ZNF331: variants seen among roughly 807,000 people sequenced by gnomAD.
The protein encoded by ZNF331 is C2H2-like zinc finger protein rearranged in thyroid adenomas.
A neutral mutation model predicts 7.0 loss-of-function variants in ZNF331; 2 were observed. The observed-to-expected ratio is 0.29, with a 90% confidence interval of 0.12 to 0.90. The LOEUF is 0.90. Ranked by LOEUF, ZNF331 falls within the 40% of genes least tolerant of loss-of-function variation. The pLI is 0.58. For missense variants in ZNF331, 432 were observed against 587.7 expected, an observed-to-expected ratio of 0.74 and a Z score of 2.74; for synonymous variants, 196 against 205.4, an observed-to-expected ratio of 0.95 and a Z score of 0.39.
At chr19:53,556,832 G>A (rs774684727) in intron 3 of ZNF331, among the ~76,000 whole-genome samples, 13 of 151,810 alleles carry the variant, frequency 8.6e-5, no homozygotes, top group Non-Finnish European at 1.3e-4. Flanking sequence ...TTGAGACGGG[G>A]TCTCGCTTTG....
chr19:53,523,928 G>A lies in ZNF331; in HGVS notation c.-205+1244G>A, dbSNP rs570282139. 4.6e-5 allele frequency among the ~76,000 whole-genome samples: 7 copies of A among 152,054 alleles called. No homozygotes were observed. In the South Asian group the frequency reaches 6.3e-4, roughly 14 times the overall value. On this transcript the variant is annotated intron_variant, in intron 2 of 6. Transcript: ENST00000253144. ...ATCCCTCCCCCAGCCCCCCAACTCCGACGGGCCCTGGTGTGTGATATTCAC... is the reference window on the plus strand; with the variant it reads ...ATCCCTCCCCCAGCCCCCCAACTCCAACGGGCCCTGGTGTGTGATATTCAC...
intron 3 of ZNF331, among the ~76,000 whole-genome samples, chr19:53,557,922 C>T (rs990819406): frequency 5.9e-5 from 9 of 152,158 alleles, no homozygotes; most frequent in South Asian, 2.1e-4. Context: ...GCTGAGATCA[C>T]GCCACCACAC....
chr19:53,552,453 C>T (rs2089070482), intron 2 of ZNF331, among the ~76,000 whole-genome samples: 2 of 151,878 alleles, frequency 1.3e-5, no homozygotes, highest in Admixed American at 6.6e-5. Flanking sequence ...GTGCAGTGGC[C>T]CTTGCTTGTA....
chr19:53,508,705 C>T, the ZNF331 span, among the ~76,000 whole-genome samples: 300 of 152,278 alleles, frequency 2.0e-3, 1 homozygote, highest in Middle Eastern at 3.4e-3. Context: ...CATTCTTTCT[C>T]TGAACAGGCC....
At chr19:53,551,959 A>T (rs905372357) in intron 2 of ZNF331, among the ~76,000 whole-genome samples, 3 of 152,144 alleles carry the variant, frequency 2.0e-5, no homozygotes, top group African/African-American at 7.2e-5. Context: ...ATTTTCTATG[A>T]TTTTAATGGT....
chr19:53,507,394 C>T, the ZNF331 span, among the ~76,000 whole-genome samples: 1 of 152,158 alleles, frequency 6.6e-6, no homozygotes. Context: ...CTCTACAAAA[C>T]CCCCCGAAAG....
intron 2 of ZNF331, among the ~76,000 whole-genome samples, chr19:53,542,879 G>A (rs978004649): frequency 5.3e-5 from 8 of 152,148 alleles, no homozygotes; most frequent in African/African-American, 9.7e-5. Flanking sequence ...GCGCAATCGC[G>A]GCTCACCGCA....
At chr19:53,554,896 C>T (rs2089277823) in intron 2 of ZNF331, 1 of 153,214 alleles carries the variant, frequency 6.5e-6, no homozygotes, top group Non-Finnish European at 1.5e-5. Flanking sequence ...GAGGTGCGCT[C>T]TGGGGGATAT....
chr19:53,558,882 A>G lies in ZNF331; in HGVS notation c.-74+2974A>G, dbSNP rs542322384. 1.7e-5 allele frequency among the ~76,000 whole-genome samples: 2 copies of G among 114,492 alleles called. No homozygotes were observed. Among genetic ancestry groups the G allele is most frequent in the Admixed American group, 1.5e-4 (2 of 12,970 alleles). 75.1% of individuals were successfully genotyped at this position (114,492 alleles called of 152,430 possible). A position where few individuals can be genotyped will look rare whatever the true frequency, so the allele number is the denominator to read the frequency against. Reference sequence around the variant, plus strand: ...ACATATACACACACATACCCCATATATACACACATATACACACCTATACAC... The same window carrying G: ...ACATATACACACACATACCCCATATGTACACACATATACACACCTATACAC... On this transcript the variant is annotated intron_variant, in intron 3 of 5. Coordinates refer to ENST00000449416, the MANE Select transcript of ZNF331 (RefSeq NM_001079906.2). This position sits in a 1 kb window ranked among gnomAD's most constrained non-coding sequence, Gnocchi z 4.5.
chr19:53,567,840 TAA>T (rs35935198), intron 3 of ZNF331, among the ~76,000 whole-genome samples: 17 of 145,580 alleles, frequency 1.2e-4, no homozygotes, highest in African/African-American at 1.8e-4. Flanking sequence ...GACCCTGTCT[TAA>T]AAAAAAAAAA....
chr19:53,528,442 T>C (rs1159836012), intron 2 of ZNF331, among the ~76,000 whole-genome samples: 1 of 152,344 alleles, frequency 6.6e-6, no homozygotes, highest in East Asian at 1.9e-4. Flanking sequence ...GTAATTGTTA[T>C]GTATTACTAT....
chr19:53,545,187 A>G (rs2088512379), intron 2 of ZNF331, among the ~76,000 whole-genome samples: 1 of 152,180 alleles, frequency 6.6e-6, no homozygotes, highest in Admixed American at 6.6e-5. Context: ...GCTCTTTCAC[A>G]TACATTTATG....
At chr19:53,576,583 A>T in intron 5 of ZNF331, 114 bp from the exon 6 acceptor site, 1 of 881,376 alleles carries the variant, frequency 1.1e-6, no homozygotes, top group Non-Finnish European at 1.8e-6. Flanking sequence ...TGGGTGATTC[A>T]CATTTATTCT....
chr19:53,536,744 A>G (rs2087767226), upstream of ZNF331, among the ~76,000 whole-genome samples: 1 of 152,184 alleles, frequency 6.6e-6, no homozygotes, highest in Non-Finnish European at 1.5e-5. Context: ...TTCTAAAAAT[A>G]CAAAAAAAAT....
chr19:53,529,261 G>A (rs558869110), intron 2 of ZNF331, among the ~76,000 whole-genome samples: 9 of 152,196 alleles, frequency 5.9e-5, no homozygotes, highest in Middle Eastern at 3.4e-3. Flanking sequence ...TTAGCCGGGC[G>A]TGGTGGTAGG....
chr19:53,560,382 CACATAT>C lies in ZNF331; in HGVS notation c.-74+4478_-74+4483del, dbSNP rs1234921747. ...ACATATACACACCCACAGATAGACA[CACATAT>C]ACACAAACATACACACAATTATATC... is the stretch of plus-strand genomic sequence containing the variant. On this transcript the variant is annotated intron_variant, in intron 3 of 5. Coordinates refer to ENST00000449416, the MANE Select transcript of ZNF331 (RefSeq NM_001079906.2). This position sits in a 1 kb window ranked among gnomAD's most constrained non-coding sequence, Gnocchi z 4.3. Among the ~76,000 whole-genome samples the C allele has an allele frequency of 6.6e-6, 1 of 151,972 alleles. No homozygotes were observed. The highest frequency in any genetic ancestry group is 1.5e-5 in the Non-Finnish European group (1 of 67,986).
upstream of ZNF331, among the ~76,000 whole-genome samples, chr19:53,535,964 C>T (rs10403891): frequency 0.042 from 6,332 of 152,052 alleles, 461 homozygotes; most frequent in African/African-American, 0.14. Context: ...CCACCATGCC[C>T]GGCTAATTTT....
At chr19:53,575,787 G>T (rs1282437590) in intron 5 of ZNF331, among the ~76,000 whole-genome samples, 2 of 151,718 alleles carry the variant, frequency 1.3e-5, no homozygotes, top group African/African-American at 2.4e-5. Context: ...GGGTTCAAGC[G>T]ATTCTCCTGC....
At chr19:53,531,595 A>G (rs758106313) in intron 2 of ZNF331, among the ~76,000 whole-genome samples, 4 of 152,240 alleles carry the variant, frequency 2.6e-5, no homozygotes, top group Non-Finnish European at 5.9e-5. Flanking sequence ...TCACAGCCAG[A>G]AAGTAGATCG....
Sources: allele counts gnomAD v4.1 joint callset (sites outside exome capture counted in the v4.1 genomes callset), GRCh38; gene constraint gnomAD v4.1.1; non-coding constraint Gnocchi (gnomAD v3.1); transcripts MANE v1.5; gene names NCBI Gene and HGNC (gene_info 2026-07-23, HGNC 2026-07-21).